Variants in DMD observed in about 807,000 individuals in gnomAD.
The protein encoded by DMD is dystrophin, also known as mutant dystrophin.
Under a neutral mutation model 330.1 loss-of-function variants are expected in DMD, and 63 were observed. That is an observed-to-expected ratio of 0.19 (90% CI 0.16 to 0.24). The LOEUF (loss-of-function observed/expected upper bound fraction) is 0.24. Ranked by LOEUF, DMD falls within the 10% of genes least tolerant of loss-of-function variation. The probability of loss-of-function intolerance (pLI) is 1.00; values close to 1 mark genes in which losing one functional copy is unlikely to be tolerated. For missense variants in DMD, 3,344 were observed against 2,684.1 expected, an observed-to-expected ratio of 1.25 and a Z score of -5.43; for synonymous variants, 1,223 against 959.8, an observed-to-expected ratio of 1.27 and a Z score of -5.07.
chrX:32,410,586 G>C (rs1331166807), intron 30 of DMD, among the ~76,000 whole-genome samples: 3 of 111,620 alleles, frequency 2.7e-5, no homozygotes, highest in African/African-American at 9.8e-5. Flanking sequence ...AACTGGCAGG[G>C]AGAAGGCTTT....
chrX:32,356,379 T>TA (rs71888370), intron 37 of DMD, among the ~76,000 whole-genome samples: 2,754 of 52,679 alleles, frequency 0.052, 179 homozygotes, highest in African/African-American at 0.12. Context: ...TGAATGGAAG[T>TA]AAAAAAAAAA....
At chrX:31,380,366 C>A (rs909258550) in intron 60 of DMD, among the ~76,000 whole-genome samples, 1 of 109,856 alleles carries the variant, frequency 9.1e-6, no homozygotes, top group Non-Finnish European at 1.9e-5. Context: ...CTTCACATCT[C>A]CCCTTGTATC....
At chrX:33,326,289 A>G (rs191781946) in intron 1 of DMD, among the ~76,000 whole-genome samples, 62 of 111,179 alleles carry the variant, frequency 5.6e-4, no homozygotes, top group African/African-American at 1.9e-3. Flanking sequence ...CATGGCCCTC[A>G]GGCACTAATA....
At chrX:31,619,312 C>A (rs192411960) in intron 55 of DMD, among the ~76,000 whole-genome samples, 8 of 111,521 alleles carry the variant, frequency 7.2e-5, no homozygotes, top group Admixed American at 3.8e-4. Context: ...GGAGTACCAA[C>A]ATCACAGGTT....
At chrX:31,347,336 G>A (rs1033038536) in intron 61 of DMD, among the ~76,000 whole-genome samples, 2 of 110,137 alleles carry the variant, frequency 1.8e-5, no homozygotes. Flanking sequence ...ATGATATAAC[G>A]TAGTCCTTCT....
At chrX:31,958,733 T>C (rs1008494178) in intron 45 of DMD, among the ~76,000 whole-genome samples, 4 of 112,167 alleles carry the variant, frequency 3.6e-5, no homozygotes, top group African/African-American at 1.3e-4. Context: ...GTTAGTTCAA[T>C]GGAGATTGCC....
At chrX:32,993,691 T>G (rs999120296) in intron 2 of DMD, among the ~76,000 whole-genome samples, 1 of 111,173 alleles carries the variant, frequency 9.0e-6, no homozygotes, top group Non-Finnish European at 1.9e-5. Flanking sequence ...TTTATAAAAC[T>G]TTTGTTTTAT....
chrX:33,020,406 G>A (rs781247393), intron 1 of DMD, among the ~76,000 whole-genome samples: 13 of 112,034 alleles, frequency 1.2e-4, no homozygotes, highest in Non-Finnish European at 2.1e-4. Context: ...AGGCGCGGTG[G>A]CTCACGCCTG....
chrX:31,297,789 T>A (rs1023733025), intron 62 of DMD, among the ~76,000 whole-genome samples: 2 of 112,196 alleles, frequency 1.8e-5, no homozygotes, highest in African/African-American at 6.5e-5. Flanking sequence ...TGGATCGCCA[T>A]TAGAAAAGTG....
intron 13 of DMD, among the ~76,000 whole-genome samples, chrX:32,593,714 G>C (rs1174014566): frequency 8.9e-6 from 1 of 112,363 alleles, no homozygotes; most frequent in Non-Finnish European, 1.9e-5. Context: ...CAAATGGGAT[G>C]TGGAATGCTT....
chrX:32,268,282 T>C (rs1306728615), intron 43 of DMD, among the ~76,000 whole-genome samples: 1 of 111,557 alleles, frequency 9.0e-6, no homozygotes, highest in Non-Finnish European at 1.9e-5. Flanking sequence ...AAGTCTATCT[T>C]TGACGCAGAA....
intron 74 of DMD, among the ~76,000 whole-genome samples, chrX:31,167,526 T>G (rs1192209066): frequency 8.9e-6 from 1 of 111,736 alleles, no homozygotes; most frequent in East Asian, 2.8e-4. Context: ...TATTTACTCC[T>G]TGGTAACATC....
chrX:32,164,783 C>T (rs781130070), intron 44 of DMD, among the ~76,000 whole-genome samples: 2 of 95,166 alleles, frequency 2.1e-5, no homozygotes, highest in East Asian at 3.0e-4. Flanking sequence ...AAAATGGTTT[C>T]GTGGACCAGG....
chrX:31,480,758 A>G (rs1470288268), intron 57 of DMD, among the ~76,000 whole-genome samples: 3 of 111,468 alleles, frequency 2.7e-5, no homozygotes, highest in African/African-American at 9.8e-5. Flanking sequence ...TTGAACTACC[A>G]TGTGTCAGTG....
At chrX:31,715,356 A>G (rs912936717) in intron 52 of DMD, among the ~76,000 whole-genome samples, 12 of 105,577 alleles carry the variant, frequency 1.1e-4, no homozygotes, top group African/African-American at 3.8e-4. Context: ...CATCCTGGCT[A>G]ACACGGTGAA....
At chrX:33,009,282 G>GCA (rs1370769432) in intron 2 of DMD, among the ~76,000 whole-genome samples, 621 of 35,289 alleles carry the variant, frequency 0.018, 171 homozygotes, top group Admixed American at 0.019. Context: ...ACACATATGT[G>GCA]TATGTGTGTA....
chrX:32,406,265 C>A lies in DMD; in HGVS notation c.4233+5487G>T, dbSNP rs746407503. 3.6e-5 allele frequency among the ~76,000 whole-genome samples: 4 copies of A among 111,257 alleles called. No individual in the cohort carries two copies. The East Asian group carries it at 8.5e-4, about 24-fold the overall frequency. On this transcript the variant is annotated intron_variant, in intron 30 of 78. Coordinates refer to ENST00000357033, the MANE Select transcript of DMD (RefSeq NM_004006.3). The stretch of plus-strand genomic sequence containing the variant: ...TTATTTCCTTCTCCTGCCTAATTGC[C>A]CTGGCCAGAACTTCCAACAGTATGT...
At chrX:31,756,617 G>A (rs1310399624) in intron 51 of DMD, among the ~76,000 whole-genome samples, 1 of 112,584 alleles carries the variant, frequency 8.9e-6, no homozygotes, top group East Asian at 2.8e-4. Flanking sequence ...CAAGAAAAAC[G>A]CCAGTTAGCT....
chrX:32,477,300 T>TAAA (rs764046645), intron 21 of DMD, among the ~76,000 whole-genome samples: 5 of 104,138 alleles, frequency 4.8e-5, no homozygotes, highest in African/African-American at 1.7e-4. Flanking sequence ...TCTTGAAAAG[T>TAAA]AAAAAAAAAA....
Sources: allele counts gnomAD v4.1 joint callset (sites outside exome capture counted in the v4.1 genomes callset), GRCh38; gene constraint gnomAD v4.1.1; transcripts MANE v1.5; gene names NCBI Gene and HGNC (gene_info 2026-07-23, HGNC 2026-07-21).